SPIRE1: variants seen among roughly 807,000 people sequenced by gnomAD.
SPIRE1 encodes protein spire homolog 1.
In SPIRE1, 40 loss-of-function variants were observed where a neutral mutation model predicts 94.1. That is an observed-to-expected ratio of 0.43 (90% CI 0.33 to 0.55). The LOEUF (loss-of-function observed/expected upper bound fraction) is 0.55, where lower values mean the gene tolerates loss of function less well. Among genes scored for constraint, SPIRE1 ranks in the 20% least tolerant of loss-of-function variants. The pLI is 0.06. For missense variants in SPIRE1, 838 were observed against 975.2 expected, an observed-to-expected ratio of 0.86 and a Z score of 1.87; for synonymous variants, 376 against 371.7, an observed-to-expected ratio of 1.01 and a Z score of -0.13.
At chr18:12,589,158 GTA>G (rs1298856279) in intron 2 of SPIRE1, among the ~76,000 whole-genome samples, 2 of 149,832 alleles carry the variant, frequency 1.3e-5, no homozygotes, top group African/African-American at 4.9e-5. Flanking sequence ...TATTAAATAG[GTA>G]TTATGCATAT....
rs963119933 is a variant in SPIRE1 at position 12,503,296 on chromosome 18, T to C, written c.972+3181A>G. 4.6e-5 allele frequency among the ~76,000 whole-genome samples: 7 copies of C among 152,264 alleles called. No homozygotes were observed. In the East Asian group the frequency reaches 1.4e-3, roughly 29 times the overall value. The stretch of plus-strand genomic sequence containing the variant: ...TAATAAAAGGATCAAATAATTTCCA[T>C]GTTGCTAAATCTGTTAACCATTTCA... On this transcript the variant is annotated intron_variant, in intron 6 of 16. Coordinates refer to ENST00000409402, the MANE Select transcript of SPIRE1 (RefSeq NM_001128626.2).
At chr18:12,483,480 C>A (rs542044702) in intron 9 of SPIRE1, among the ~76,000 whole-genome samples, 22 of 152,056 alleles carry the variant, frequency 1.4e-4, no homozygotes, top group Non-Finnish European at 2.1e-4. Flanking sequence ...AAATCACATA[C>A]CTTAGGTTTA....
chr18:12,474,649 C>T (rs1054528924), intron 10 of SPIRE1, among the ~76,000 whole-genome samples: 1 of 152,110 alleles, frequency 6.6e-6, no homozygotes, highest in African/African-American at 2.4e-5. Flanking sequence ...TGGTGAAACC[C>T]TATCTCTACT....
upstream of SPIRE1, among the ~76,000 whole-genome samples, chr18:12,661,078 C>A (rs975244650): frequency 6.6e-6 from 1 of 152,132 alleles, no homozygotes; most frequent in East Asian, 1.9e-4. Flanking sequence ...GAGGCCGAGG[C>A]GGGCAGATCA....
intron 6 of SPIRE1, among the ~76,000 whole-genome samples, chr18:12,503,140 C>G (rs2033720403): frequency 6.6e-6 from 1 of 151,674 alleles, no homozygotes; most frequent in African/African-American, 2.4e-5. Flanking sequence ...AAGGAAATAC[C>G]CTGTGTGTTC....
At chr18:12,558,170 T>A (rs764446330) in intron 2 of SPIRE1, among the ~76,000 whole-genome samples, 10 of 152,008 alleles carry the variant, frequency 6.6e-5, no homozygotes, top group Non-Finnish European at 1.5e-4. Context: ...GTGCCCGGAG[T>A]TTCTTCCTTC....
At chr18:12,529,371 A>C (rs908188031) in intron 4 of SPIRE1, among the ~76,000 whole-genome samples, 4 of 151,094 alleles carry the variant, frequency 2.6e-5, no homozygotes, top group African/African-American at 9.8e-5. Flanking sequence ...TCCGTCTCAA[A>C]AAAAAAAAAA....
chr18:12,647,586 C>CA (rs1413036277), intron 1 of SPIRE1, among the ~76,000 whole-genome samples: 2 of 151,774 alleles, frequency 1.3e-5, no homozygotes, highest in African/African-American at 2.4e-5. Context: ...CCTGTCTCTA[C>CA]AAAAAAATAA....
intron 2 of SPIRE1, among the ~76,000 whole-genome samples, chr18:12,551,615 G>A (rs192405422): frequency 2.6e-5 from 4 of 152,026 alleles, no homozygotes; most frequent in Admixed American, 2.0e-4. Flanking sequence ...TGAGGCGGGA[G>A]AATGGCATGG....
chr18:12,481,324 CT>C (rs147117368), intron 9 of SPIRE1, among the ~76,000 whole-genome samples: 2,217 of 141,980 alleles, frequency 0.016, 56 homozygotes, highest in African/African-American at 0.053. Context: ...ATATTCCCCC[CT>C]AGCAAGTAAT....
intron 4 of SPIRE1, among the ~76,000 whole-genome samples, chr18:12,519,998 T>C (rs923312099): frequency 2.1e-4 from 32 of 152,172 alleles, no homozygotes; most frequent in African/African-American, 7.2e-4. Context: ...ATGACACCAC[T>C]GTTTGTAATA....
chr18:12,608,317 T>C (rs947952489), intron 2 of SPIRE1, among the ~76,000 whole-genome samples: 1 of 152,338 alleles, frequency 6.6e-6, no homozygotes, highest in African/African-American at 2.4e-5. Context: ...TTTAATACAA[T>C]TGGATCATTC....
chr18:12,654,739 G>A (rs531055801), intron 1 of SPIRE1, among the ~76,000 whole-genome samples: 1 of 149,024 alleles, frequency 6.7e-6, no homozygotes, highest in South Asian at 2.1e-4. Flanking sequence ...CCTTAAAACT[G>A]AAACGAGAAG....
intron 12 of SPIRE1, among the ~76,000 whole-genome samples, chr18:12,457,846 C>CA (rs1409637095): frequency 1.5e-5 from 2 of 132,260 alleles, no homozygotes; most frequent in Non-Finnish European, 3.2e-5. Flanking sequence ...TTTCTTTTTT[C>CA]TTTTTTTTTT....
chr18:12,583,832 G>C (rs1012511036), intron 2 of SPIRE1, among the ~76,000 whole-genome samples: 1 of 151,500 alleles, frequency 6.6e-6, no homozygotes, highest in Non-Finnish European at 1.5e-5. Context: ...AGCTGAGATG[G>C]GAGGATCACA....
At chr18:12,601,977 G>T (rs746390273) in intron 2 of SPIRE1, among the ~76,000 whole-genome samples, 1 of 152,118 alleles carries the variant, frequency 6.6e-6, no homozygotes, top group Non-Finnish European at 1.5e-5. Flanking sequence ...AGTGGGGAAG[G>T]CTATTTAGAA....
chr18:12,563,569 C>T (rs1443634438), intron 2 of SPIRE1, among the ~76,000 whole-genome samples: 1 of 152,090 alleles, frequency 6.6e-6, no homozygotes, highest in Non-Finnish European at 1.5e-5. Flanking sequence ...ATCATGTTAC[C>T]TGAATGTAAA....
chr18:12,461,486 G>GTATGTACATATGTACGTACATACATA (rs1568183918), intron 12 of SPIRE1, among the ~76,000 whole-genome samples: 12 of 147,984 alleles, frequency 8.1e-5, no homozygotes, highest in South Asian at 6.2e-4. Context: ...ACATACATAT[G>GTATGTACATATGTACGTACATACATA]TGTGTATGCA....
intron 2 of SPIRE1, among the ~76,000 whole-genome samples, chr18:12,598,627 T>C (rs896842739): frequency 6.6e-6 from 1 of 152,162 alleles, no homozygotes; most frequent in Non-Finnish European, 1.5e-5. Flanking sequence ...CAGAAAAGTC[T>C]CAGGAATTAA....
Sources: gnomAD v4.1 joint callset for allele counts (sites outside exome capture counted in the v4.1 genomes callset) on GRCh38, gnomAD v4.1.1 for gene constraint, MANE v1.5 for transcripts, NCBI Gene and HGNC (gene_info 2026-07-23, HGNC 2026-07-21) for gene names.